PSD3: variants seen among roughly 807,000 people sequenced by gnomAD.
The protein encoded by PSD3 is pleckstrin and Sec7 domain containing 3.
Under a neutral mutation model 105.5 loss-of-function variants are expected in PSD3, and 49 were observed. The observed-to-expected ratio is 0.46, with a 90% CI of 0.37 to 0.59. The LOEUF is 0.59. Ranked by LOEUF, PSD3 falls within the 20% of genes least tolerant of loss-of-function variation. The pLI is 0.00. For missense variants in PSD3, 1,561 were observed against 1,263.8 expected, an observed-to-expected ratio of 1.24 and a Z score of -3.57; for synonymous variants, 557 against 457.8, an observed-to-expected ratio of 1.22 and a Z score of -2.77.
chr8:18,945,208 T>G (rs1045443290), intron 1 of PSD3, among the ~76,000 whole-genome samples: 1 of 152,224 alleles, frequency 6.6e-6, no homozygotes, highest in African/African-American at 2.4e-5. Context: ...CCTTTGAAAA[T>G]GTGATTAAAT....
intron 1 of PSD3, among the ~76,000 whole-genome samples, chr8:18,980,141 T>C (rs753285408): frequency 2.6e-4 from 39 of 152,214 alleles, no homozygotes; most frequent in East Asian, 1.9e-4. Flanking sequence ...AAAGACCTAC[T>C]GTCTGCCAAA....
intron 1 of PSD3, among the ~76,000 whole-genome samples, chr8:18,990,890 T>A (rs1240887877): frequency 6.6e-6 from 1 of 152,150 alleles, no homozygotes; most frequent in African/African-American, 2.4e-5. Context: ...GCCAAAGTGC[T>A]TTCAAATAAC....
rs780878655 is a variant in PSD3 at position 18,889,306 on chromosome 8, C to G, written c.131-16573G>C. On this transcript the variant is annotated intron_variant, in intron 2 of 15. Transcript: ENST00000327040. ...TCTTATTATCTGTGTTCTTGATACT[C>G]CCGTATTTGGGGCCTTGACTGTGGA... Among the ~76,000 whole-genome samples, 42 of 152,084 alleles carry G rather than the reference C, an allele frequency of 2.8e-4. 1 individual carries two copies. The highest frequency in any genetic ancestry group is 4.9e-4 in the Non-Finnish European group (33 of 68,032).
At chr8:18,583,841 C>T (rs957667301) in intron 12 of PSD3, among the ~76,000 whole-genome samples, 3 of 152,078 alleles carry the variant, frequency 2.0e-5, no homozygotes, top group Admixed American at 2.0e-4. Flanking sequence ...CTTTGGGCAC[C>T]GTATCTTGCT....
intron 4 of PSD3, among the ~76,000 whole-genome samples, chr8:18,810,658 G>T (rs1811612435): frequency 6.6e-6 from 1 of 152,152 alleles, no homozygotes; most frequent in South Asian, 2.1e-4. Context: ...TACCCCAAGG[G>T]TTGTACATAG....
intron 9 of PSD3, among the ~76,000 whole-genome samples, chr8:18,698,910 C>G (rs1045800350): frequency 6.6e-6 from 1 of 152,084 alleles, no homozygotes; most frequent in African/African-American, 2.4e-5. Flanking sequence ...TGTAGAAACA[C>G]TATCATTTAA....
chr8:18,649,664 T>C (rs1438162073), intron 10 of PSD3, among the ~76,000 whole-genome samples: 2 of 152,138 alleles, frequency 1.3e-5, no homozygotes, highest in Non-Finnish European at 2.9e-5. Flanking sequence ...TGGAATGATA[T>C]GGTTTGGATC....
At chr8:18,647,892 T>TCTTG (rs1033532407) in intron 10 of PSD3, among the ~76,000 whole-genome samples, 1 of 152,106 alleles carries the variant, frequency 6.6e-6, no homozygotes, top group East Asian at 1.9e-4. Context: ...TCTCTCTTCC[T>TCTTG]CTTGCTCCGG....
At chr8:18,682,398 T>C (rs1029452255) in intron 9 of PSD3, among the ~76,000 whole-genome samples, 4 of 152,222 alleles carry the variant, frequency 2.6e-5, no homozygotes, top group Non-Finnish European at 4.4e-5. Context: ...TTTAAGAATA[T>C]GATAAACCAT....
intron 9 of PSD3, among the ~76,000 whole-genome samples, chr8:18,696,014 C>T (rs1311036875): frequency 6.6e-6 from 1 of 152,192 alleles, no homozygotes. Flanking sequence ...GAATCAAGGG[C>T]ACATCCAGCG....
chr8:18,852,831 T>C (rs578065707), intron 4 of PSD3, among the ~76,000 whole-genome samples: 2 of 152,310 alleles, frequency 1.3e-5, no homozygotes, highest in South Asian at 2.1e-4. Context: ...TAATAGCCAA[T>C]GATCATTAAT....
chr8:18,817,223 A>C (rs1358919087), intron 4 of PSD3, among the ~76,000 whole-genome samples: 1 of 152,254 alleles, frequency 6.6e-6, no homozygotes, highest in Non-Finnish European at 1.5e-5. Context: ...CGGAGAAGGT[A>C]CAACAATTTA....
chr8:18,721,933 T>C (rs1260938144), intron 9 of PSD3, among the ~76,000 whole-genome samples: 1 of 152,154 alleles, frequency 6.6e-6, no homozygotes, highest in East Asian at 1.9e-4. Context: ...CAACCATTTT[T>C]AAGTAGGTCA....
chr8:18,631,854 A>G (rs1480607962), intron 11 of PSD3, among the ~76,000 whole-genome samples: 2 of 152,006 alleles, frequency 1.3e-5, no homozygotes, highest in African/African-American at 4.8e-5. Context: ...ACAGATAGAA[A>G]CAGTGGTACT....
chr8:18,919,390 C>T (rs1223209158), intron 2 of PSD3, among the ~76,000 whole-genome samples: 1 of 152,038 alleles, frequency 6.6e-6, no homozygotes, highest in South Asian at 2.1e-4. Context: ...GCCCCTGACC[C>T]GTGAGAACAG....
rs77619145 is a variant in PSD3, at chr8:18,534,320, G to C, written c.*1423C>G. ...TAGGGATTACAGAGTTTCAAGGTTA[G>C]GAAATCACAAAGCTCTAGGTCTCAG... On this transcript the variant is annotated 3_prime_UTR_variant, in exon 16 of 16. Transcript: ENST00000327040. The C allele has an allele frequency of 2.6e-5, 4 of 152,638 alleles. No homozygotes were observed. The East Asian group carries it at 7.7e-4, about 29-fold the overall frequency. 9.5% of individuals were successfully genotyped at this position (152,638 alleles called of 1,614,324 possible).
chr8:18,717,393 T>C (rs951640158), intron 9 of PSD3, among the ~76,000 whole-genome samples: 1 of 152,166 alleles, frequency 6.6e-6, no homozygotes, highest in Non-Finnish European at 1.5e-5. Flanking sequence ...TAGCAACTAT[T>C]ATGCTTCTGC....
intron 9 of PSD3, among the ~76,000 whole-genome samples, chr8:18,752,022 T>TAA (rs35624374): frequency 9.6e-6 from 1 of 104,180 alleles, no homozygotes. Context: ...TAAAAATACA[T>TAA]AAAAAAAAAA....
chr8:19,078,092 A>G (rs982294712), intron 1 of PSD3, among the ~76,000 whole-genome samples: 10 of 152,156 alleles, frequency 6.6e-5, no homozygotes, highest in Admixed American at 5.2e-4. Flanking sequence ...GTAGAGTGGC[A>G]CAGTCACAAC....
Sources: gnomAD v4.1 joint callset for allele counts (sites outside exome capture counted in the v4.1 genomes callset) on GRCh38, gnomAD v4.1.1 for gene constraint, MANE v1.5 for transcripts, NCBI Gene and HGNC (gene_info 2026-07-23, HGNC 2026-07-21) for gene names.